The following MEIS3 variants were observed in gnomAD, a reference collection of about 807,000 sequenced individuals.
MEIS3 encodes Meis homeobox 3, also known as homeobox protein Meis3.
Under a neutral mutation model 51.4 loss-of-function variants are expected in MEIS3, and 38 were observed. The ratio of observed to expected loss-of-function variants is 0.74; its 90% confidence interval spans 0.57 to 0.97. The LOEUF (loss-of-function observed/expected upper bound fraction) is 0.97. MEIS3 is among the 50% of genes least tolerant of loss of function. The pLI is 0.00. For missense variants in MEIS3, 456 were observed against 502.6 expected, an observed-to-expected ratio of 0.91 and a Z score of 0.89; for synonymous variants, 198 against 201.8, an observed-to-expected ratio of 0.98 and a Z score of 0.16.
At position 47,419,356 on chromosome 19, in the gene MEIS3, G is replaced by A. The variant is rs1458348024; in HGVS notation, c.-275C>T. 2 of 160,458 alleles carry A rather than the reference G, an allele frequency of 1.2e-5. No individual in the cohort carries two copies. The highest frequency in any genetic ancestry group is 1.3e-5 in the Non-Finnish European group (1 of 74,980). The allele number at this position is 160,458 out of a possible 1,614,324, so 9.9% of individuals were successfully genotyped here. A position where few individuals can be genotyped will look rare whatever the true frequency, so the allele number is the denominator to read the frequency against. On this transcript the variant is annotated 5_prime_UTR_variant, in exon 1 of 13. Coordinates refer to ENST00000558555, the MANE Select transcript of MEIS3 (RefSeq NM_001301059.2). ...GGCAGCAGGCGCAGGCGGGGCGCCC[G>A]AGGCCCCCTCCTCTGGGCCCCCCCC... is the stretch of plus-strand genomic sequence containing the variant.
chr19:47,403,448 G>A lies in MEIS3; in HGVS notation c.*123C>T, dbSNP rs1007761861. 6.6e-6 allele frequency: 3 copies of A among 455,406 alleles called. No individual in the cohort carries two copies. The highest frequency in any genetic ancestry group is 1.3e-5 in the Non-Finnish European group (3 of 226,964). 28.2% of individuals were successfully genotyped at this position (455,406 alleles called of 1,614,324 possible). A position where few individuals can be genotyped will look rare whatever the true frequency, so the allele number is the denominator to read the frequency against. ...CATGTCCCAGCAGGGCCCTAGGGAG[G>A]TAGGCATTGAGCAGAGGGGCCTTTG... On this transcript the variant is annotated 3_prime_UTR_variant, in exon 13 of 13. Coordinates refer to ENST00000558555, the MANE Select transcript of MEIS3 (RefSeq NM_001301059.2).
chr19:47,411,077 C>T (rs1349813865), intron 6 of MEIS3, among the ~76,000 whole-genome samples: 10 of 152,096 alleles, frequency 6.6e-5, no homozygotes, highest in Non-Finnish European at 1.5e-4. Flanking sequence ...GCTGGGATTA[C>T]AGGTGCCTGC....
upstream of MEIS3, among the ~76,000 whole-genome samples, chr19:47,420,537 C>G (rs73940827): frequency 1.2e-3 from 151 of 120,816 alleles, no homozygotes; most frequent in Non-Finnish European, 1.6e-3. Context: ...GAGAGAGAGA[C>G]AGAGACAGAC....
At chr19:47,409,655 A>G in intron 6 of MEIS3, 108 bp from the exon 7 acceptor site, 1 of 688,548 alleles carries the variant, frequency 1.5e-6, no homozygotes, top group Non-Finnish European at 2.5e-6. Context: ...CAAGGTCAAG[A>G]GATCAAGACC....
intron 6 of MEIS3, among the ~76,000 whole-genome samples, chr19:47,411,542 CTTTT>C (rs1249273264): frequency 2.1e-5 from 2 of 95,992 alleles, no homozygotes; most frequent in Admixed American, 1.1e-4. Context: ...TTTTTCTTTT[CTTTT>C]TTTTTTTTTT....
intron 6 of MEIS3, among the ~76,000 whole-genome samples, chr19:47,412,694 T>C (rs1971195761): frequency 6.6e-6 from 1 of 152,174 alleles, no homozygotes; most frequent in Non-Finnish European, 1.5e-5. Flanking sequence ...CCTGAGTAGC[T>C]GGGATCAGAG....
chr19:47,407,580 G>A lies in MEIS3; in HGVS notation c.859-152C>T, dbSNP rs975953976. On this transcript the variant is annotated intron_variant, in intron 8 of 12. Coordinates refer to ENST00000558555, the MANE Select transcript of MEIS3 (RefSeq NM_001301059.2). ...TTCTGAGCGTCTCTGCGCTCCCCAG[G>A]ATGGAGACCAAGGGAGCCTCAGGCT... 7 of 1,496,626 alleles carry A rather than the reference G, an allele frequency of 4.7e-6. No individual in the cohort carries two copies. The East Asian group carries it at 7.3e-5, about 16-fold the overall frequency. The allele number at this position is 1,496,626 out of a possible 1,614,324, so 92.7% of individuals were successfully genotyped here.
rs769229453 is a variant in MEIS3 at position 47,414,855 on chromosome 19, C to A, written c.459G>T (p.Leu153=). ...HLLELEKVHD[L]CDNFCHRYIT... ...TGTAGCGGTGACAGAAGTTGTCGCA[C>A]AGGTCGTGGACCTGGGGGGGCACCG... Residue 153 remains leucine, a synonymous_variant, in exon 6 of 13, where the codon CTG becomes CTT. Coordinates refer to ENST00000558555, the MANE Select transcript of MEIS3 (RefSeq NM_001301059.2). 1 of 1,602,474 alleles carries A rather than the reference C, an allele frequency of 6.2e-7. No homozygotes were observed. The highest frequency in any genetic ancestry group is 8.5e-7 in the Non-Finnish European group (1 of 1,175,554).
rs1471201020 is a variant in MEIS3 at position 47,415,106 on chromosome 19, AAACGTGGGCGGG to A, written c.397-17_397-6del. 7.7e-7 allele frequency: 1 copy of A among 1,294,812 alleles called. No homozygotes were observed. The highest frequency in any genetic ancestry group is 2.6e-5 in the Admixed American group (1 of 37,844). 80.2% of individuals were successfully genotyped at this position (1,294,812 alleles called of 1,614,324 possible). On this transcript the variant is annotated splice_region_variant and splice_polypyrimidine_tract_variant and intron_variant, in intron 4 of 12. Transcript: ENST00000558555. Reference sequence around the variant, plus strand: ...CACCTGGATGGCCTGGATCATCTGAAAACGTGGGCGGGAGGTGGGGGGAGACAGAGGGAATTG... The same window carrying A: ...CACCTGGATGGCCTGGATCATCTGAAAGGTGGGGGGAGACAGAGGGAATTG...
chr19:47,420,548 G>A (rs1430055017), upstream of MEIS3, among the ~76,000 whole-genome samples: 1 of 145,980 alleles, frequency 6.9e-6, no homozygotes, highest in African/African-American at 2.6e-5. Context: ...AGAGACAGAC[G>A]CGGGTGGGAG....
chr19:47,412,371 T>C (rs1971176872), intron 6 of MEIS3: 1 of 152,178 alleles, frequency 6.6e-6, no homozygotes, highest in Admixed American at 6.6e-5. Context: ...TCTCCAGTTC[T>C]GGTGACCACG....
chr19:47,420,974 T>TCTCTC (rs200497887), upstream of MEIS3, among the ~76,000 whole-genome samples: 3 of 108,128 alleles, frequency 2.8e-5, no homozygotes, highest in African/African-American at 3.6e-5. Context: ...TCTCTCTCTC[T>TCTCTC]TCCTGGCTGT....
At chr19:47,405,803 G>A (rs1169647946) in intron 12 of MEIS3, among the ~76,000 whole-genome samples, 1 of 152,154 alleles carries the variant, frequency 6.6e-6, no homozygotes. Context: ...ACCTGCCTCA[G>A]CCTCCTAAAG....
chr19:47,412,919 G>T (rs1402203776), intron 6 of MEIS3, among the ~76,000 whole-genome samples: 1 of 151,684 alleles, frequency 6.6e-6, no homozygotes, highest in African/African-American at 2.4e-5. Context: ...GGCCAGGCTG[G>T]TCTTGAACTC....
chr19:47,416,399 G>A, intron 4 of MEIS3: 4 of 465,104 alleles, frequency 8.6e-6, no homozygotes, highest in Non-Finnish European at 1.5e-5. Flanking sequence ...GGACACCAAG[G>A]CACGGAGATG....
chr19:47,421,838 GTCTC>G (rs1012960579), upstream of MEIS3, among the ~76,000 whole-genome samples: 3 of 149,058 alleles, frequency 2.0e-5, no homozygotes, highest in Admixed American at 6.7e-5. Context: ...ATCTTTCTCG[GTCTC>G]TCTCTCCAGG....
In MEIS3 at chr19:47,403,587, C is replaced by T. The variant is rs536503229; in HGVS notation, c.*18-34G>A. The T allele has an allele frequency of 2.5e-4, 100 of 404,140 alleles. No homozygotes were observed. In the East Asian group the frequency reaches 5.2e-3, roughly 21 times the overall value. 25.0% of individuals were successfully genotyped at this position (404,140 alleles called of 1,614,324 possible). On this transcript the variant is annotated intron_variant, in intron 12 of 12. Coordinates refer to ENST00000558555, the MANE Select transcript of MEIS3 (RefSeq NM_001301059.2). The stretch of plus-strand genomic sequence containing the variant: ...AGGGGAGGAGAGGCCAAGTCAGGAG[C>T]GGGCAGGGGGCCTGGCCCCACCCCA...
chr19:47,407,005 C>T (rs1970858861), intron 10 of MEIS3, 34 bp from the exon 11 acceptor site: 2 of 1,575,164 alleles, frequency 1.3e-6, no homozygotes, highest in African/African-American at 1.3e-5. Flanking sequence ...AGGCTGAGCC[C>T]CAGGAAGCCC....
intron 6 of MEIS3, among the ~76,000 whole-genome samples, chr19:47,412,847 C>T (rs1971205920): frequency 6.6e-6 from 1 of 151,882 alleles, no homozygotes; most frequent in African/African-American, 2.4e-5. Context: ...GGATTACAGT[C>T]GTGAGCCACT....
Sources: allele counts gnomAD v4.1 joint callset (sites outside exome capture counted in the v4.1 genomes callset), GRCh38; gene constraint gnomAD v4.1.1; transcripts MANE v1.5; gene names NCBI Gene and HGNC (gene_info 2026-07-23, HGNC 2026-07-21).